Variants in CNTNAP2 observed in about 807,000 individuals in gnomAD.
CNTNAP2 encodes the protein contactin-associated protein-like 2.
In CNTNAP2, 98 loss-of-function variants were observed where a neutral mutation model predicts 155.2. The ratio of observed to expected loss-of-function variants is 0.63; its 90% CI spans 0.54 to 0.75. The LOEUF (loss-of-function observed/expected upper bound fraction) is 0.75. Among genes scored for constraint, CNTNAP2 ranks in the 30% least tolerant of loss-of-function variants. CNTNAP2 has a pLI of 0.00. For synonymous variants in CNTNAP2, 651 were observed against 631.2 expected (o/e 1.03, Z -0.47); for missense variants, 1,727 against 1,688.1 (o/e 1.02, Z -0.40).
chr7:146,171,833 C>G (rs1351121163), intron 1 of CNTNAP2, among the ~76,000 whole-genome samples: 3 of 151,916 alleles, frequency 2.0e-5, no homozygotes, highest in Non-Finnish European at 4.4e-5. Context: ...AATAGTGCTA[C>G]AGAGGTAACA....
chr7:146,371,367 T>G (rs959811357), intron 1 of CNTNAP2, among the ~76,000 whole-genome samples: 2 of 110,928 alleles, frequency 1.8e-5, no homozygotes, highest in South Asian at 3.0e-4. Context: ...CAGTATTAGT[T>G]TTTTTTTTTT....
chr7:147,167,936 A>G (rs1802146739), intron 8 of CNTNAP2, among the ~76,000 whole-genome samples: 1 of 151,436 alleles, frequency 6.6e-6, no homozygotes, highest in South Asian at 2.1e-4. Flanking sequence ...ATATCTTTTT[A>G]AAAATATATT....
At chr7:147,021,849 A>G (rs1376463590) in intron 3 of CNTNAP2, among the ~76,000 whole-genome samples, 1 of 152,048 alleles carries the variant, frequency 6.6e-6, no homozygotes, top group Non-Finnish European at 1.5e-5. Context: ...TTCATCAAAC[A>G]TAAATCAATT....
intron 13 of CNTNAP2, among the ~76,000 whole-genome samples, chr7:147,739,023 T>A (rs1369010192): frequency 6.6e-6 from 1 of 152,192 alleles, no homozygotes; most frequent in Admixed American, 6.5e-5. Context: ...ATTCACTTTA[T>A]TCTGGCAGTC....
chr7:146,248,882 T>G (rs1799710325), intron 1 of CNTNAP2, among the ~76,000 whole-genome samples: 1 of 152,042 alleles, frequency 6.6e-6, no homozygotes, highest in African/African-American at 2.4e-5. Flanking sequence ...TTTAATCACC[T>G]GGGTGCAGGC....
chr7:147,451,430 A>T (rs1313614499), intron 10 of CNTNAP2, among the ~76,000 whole-genome samples: 1 of 152,180 alleles, frequency 6.6e-6, no homozygotes, highest in Admixed American at 6.5e-5. Context: ...CAGACAACAT[A>T]GCAACTGGTG....
At chr7:147,914,613 T>C (rs933448760) in intron 14 of CNTNAP2, among the ~76,000 whole-genome samples, 1 of 150,434 alleles carries the variant, frequency 6.6e-6, no homozygotes, top group African/African-American at 2.5e-5. Context: ...CCAGCTGAAA[T>C]ACAGTGACAT....
intron 1 of CNTNAP2, among the ~76,000 whole-genome samples, chr7:146,151,466 T>TCA (rs1798036546): frequency 6.6e-6 from 1 of 150,782 alleles, no homozygotes; most frequent in Non-Finnish European, 1.5e-5. Context: ...TTTTTACATT[T>TCA]TATATATAAA....
intron 4 of CNTNAP2, among the ~76,000 whole-genome samples, chr7:147,088,668 C>A (rs369674536): frequency 2.0e-5 from 3 of 152,116 alleles, no homozygotes; most frequent in African/African-American, 7.2e-5. Flanking sequence ...AAGGCTGAAG[C>A]TGGGTGCAGT....
At chr7:146,903,111 G>A (rs1305926996) in intron 3 of CNTNAP2, among the ~76,000 whole-genome samples, 1 of 152,130 alleles carries the variant, frequency 6.6e-6, no homozygotes, top group Non-Finnish European at 1.5e-5. Flanking sequence ...GTGATCTATG[G>A]GCTTGTACCA....
chr7:148,399,751 G>C (rs190671870), intron 22 of CNTNAP2, among the ~76,000 whole-genome samples: 1 of 152,078 alleles, frequency 6.6e-6, no homozygotes, highest in Non-Finnish European at 1.5e-5. Flanking sequence ...TAACGGAGTC[G>C]AACTGTGGGG....
rs180707079 is a variant in CNTNAP2, at chr7:147,111,160, A to G, written c.754+2810A>G. 1.4e-4 allele frequency among the ~76,000 whole-genome samples: 22 copies of G among 152,210 alleles called. No individual in the cohort carries two copies. In the East Asian group the frequency reaches 4.2e-3, roughly 29 times the overall value. On this transcript the variant is annotated intron_variant, in intron 5 of 23. Coordinates refer to ENST00000361727, the MANE Select transcript of CNTNAP2 (RefSeq NM_014141.6). ...AGATTTTTTTTCATGTTTGTTGGCCACATGTATATCTTCTTTTGAGAATTG... is the reference window on the plus strand; with the variant it reads ...AGATTTTTTTTCATGTTTGTTGGCCGCATGTATATCTTCTTTTGAGAATTG...
In CNTNAP2 at chr7:146,638,884, G is replaced by A. The variant is rs1032871977; in HGVS notation, c.98-135387G>A. Among the ~76,000 whole-genome samples, 9 of 152,182 alleles carry A rather than the reference G, an allele frequency of 5.9e-5. No individual in the cohort carries two copies. The East Asian group carries it at 9.7e-4, about 16-fold the overall frequency. ...AGTGTAATTCCAAAACCTAGATGGCGGATCCTACTATACACCTAAGGCTGT... is the reference window on the plus strand; with the variant it reads ...AGTGTAATTCCAAAACCTAGATGGCAGATCCTACTATACACCTAAGGCTGT... On this transcript the variant is annotated intron_variant, in intron 1 of 23. Transcript: ENST00000361727.
chr7:146,649,377 T>G (rs892976298), intron 1 of CNTNAP2, among the ~76,000 whole-genome samples: 6 of 152,138 alleles, frequency 3.9e-5, no homozygotes, highest in African/African-American at 1.2e-4. Context: ...GTGTGATGAA[T>G]GTGTAAAGTA....
chr7:146,203,055 GAACA>G (rs1467575725), intron 1 of CNTNAP2, among the ~76,000 whole-genome samples: 6 of 152,100 alleles, frequency 3.9e-5, no homozygotes, highest in Non-Finnish European at 1.5e-5. Flanking sequence ...CTCTATAAAA[GAACA>G]AACTTTTCTC....
rs150921414 is a variant in CNTNAP2, at chr7:147,930,973, A to G, written c.2255+27252A>G. On this transcript the variant is annotated intron_variant, in intron 14 of 23. Coordinates refer to ENST00000361727, the MANE Select transcript of CNTNAP2 (RefSeq NM_014141.6). ...GGTCAAATAAATAAATCAAAAGGGA[A>G]ATTAGAAAATGTCTCACGACAAATA... 3.9e-3 allele frequency among the ~76,000 whole-genome samples: 592 copies of G among 152,348 alleles called. 3 individuals are homozygous for G. Among genetic ancestry groups the G allele is most frequent in the Non-Finnish European group, 5.3e-3 (358 of 68,032 alleles).
chr7:147,252,350 G>A (rs1804218577), intron 8 of CNTNAP2, among the ~76,000 whole-genome samples: 1 of 152,132 alleles, frequency 6.6e-6, no homozygotes, highest in Non-Finnish European at 1.5e-5. Flanking sequence ...TGTTTTATTA[G>A]GAATTCTAAT....
chr7:148,310,397 C>G (rs930950078), intron 21 of CNTNAP2, among the ~76,000 whole-genome samples: 2 of 152,146 alleles, frequency 1.3e-5, no homozygotes, highest in African/African-American at 4.8e-5. Flanking sequence ...TCAACTTGGG[C>G]CTGGAGGACT....
chr7:146,307,785 A>T (rs1800742168), intron 1 of CNTNAP2, among the ~76,000 whole-genome samples: 1 of 152,178 alleles, frequency 6.6e-6, no homozygotes, highest in Non-Finnish European at 1.5e-5. Flanking sequence ...ATATGTAGAA[A>T]GCTGAAACTG....
Sources: gnomAD v4.1 joint callset for allele counts (sites outside exome capture counted in the v4.1 genomes callset) on GRCh38, gnomAD v4.1.1 for gene constraint, MANE v1.5 for transcripts, NCBI Gene and HGNC (gene_info 2026-07-23, HGNC 2026-07-21) for gene names.